Variants in XKR9 observed in about 807,000 individuals in gnomAD.
XKR9 encodes XK-related protein 9.
XKR9 carries 32 observed loss-of-function variants against 32.0 expected under a neutral mutation model. The observed-to-expected ratio is 1.00, with a 90% CI of 0.76 to 1.34. The LOEUF (loss-of-function observed/expected upper bound fraction) is 1.34. XKR9 is among the 40% of genes most tolerant of loss of function. The probability of loss-of-function intolerance (pLI) is 0.00; values close to 1 mark genes in which losing one functional copy is unlikely to be tolerated. For synonymous variants in XKR9, 168 were observed against 143.4 expected, an observed-to-expected ratio of 1.17 and a Z score of -1.22; for missense variants, 546 against 429.7, an observed-to-expected ratio of 1.27 and a Z score of -2.39.
At chr8:70,929,104 T>C in the XKR9 span, among the ~76,000 whole-genome samples, 2 of 152,136 alleles carry the variant, frequency 1.3e-5, no homozygotes, top group South Asian at 4.1e-4. Context: ...AATAAGCTGC[T>C]CAACCAGAGG....
chr8:70,866,456 T>A, the XKR9 span, among the ~76,000 whole-genome samples: 1 of 152,164 alleles, frequency 6.6e-6, no homozygotes, highest in African/African-American at 2.4e-5. Flanking sequence ...GATTATAATA[T>A]GTAGGGTGGG....
At chr8:70,684,742 A>G (rs1173608580) in intron 3 of XKR9, among the ~76,000 whole-genome samples, 1 of 146,940 alleles carries the variant, frequency 6.8e-6, no homozygotes, top group Non-Finnish European at 1.5e-5. Flanking sequence ...ACACATGAAA[A>G]AATGCTCACC....
the XKR9 span, among the ~76,000 whole-genome samples, chr8:70,797,211 GCA>G: frequency 0.025 from 3,825 of 152,176 alleles, 77 homozygotes; most frequent in Middle Eastern, 0.037. Flanking sequence ...AGGGGTGTGC[GCA>G]CACACACACA....
At chr8:70,817,062 A>G in the XKR9 span, among the ~76,000 whole-genome samples, 4 of 152,228 alleles carry the variant, frequency 2.6e-5, no homozygotes, top group African/African-American at 9.6e-5. Flanking sequence ...AGAAAACCCT[A>G]AAGACTCCAC....
chr8:70,748,743 T>C (rs1174309443), intron 2 of XKR9, among the ~76,000 whole-genome samples: 1 of 152,184 alleles, frequency 6.6e-6, no homozygotes, highest in East Asian at 1.9e-4. Context: ...GGCTGTCAGT[T>C]CTGGGTAGAA....
chr8:70,849,054 A>G, the XKR9 span, among the ~76,000 whole-genome samples: 2 of 152,158 alleles, frequency 1.3e-5, no homozygotes, highest in Non-Finnish European at 2.9e-5. Context: ...GAAAATTAAC[A>G]AGGATATTCA....
the XKR9 span, among the ~76,000 whole-genome samples, chr8:71,015,000 A>G: frequency 3.3e-5 from 5 of 152,194 alleles, no homozygotes; most frequent in Non-Finnish European, 7.3e-5. Context: ...CTGGGATAAA[A>G]TGCCACATGA....
At chr8:70,799,816 G>A in the XKR9 span, among the ~76,000 whole-genome samples, 1 of 152,144 alleles carries the variant, frequency 6.6e-6, no homozygotes, top group Non-Finnish European at 1.5e-5. Flanking sequence ...AATAGGGGTA[G>A]TTTGACTTCC....
At chr8:70,842,384 C>G in the XKR9 span, among the ~76,000 whole-genome samples, 1 of 152,174 alleles carries the variant, frequency 6.6e-6, no homozygotes, top group African/African-American at 2.4e-5. Context: ...TCAGCCATTT[C>G]TCTAAGAAGT....
chr8:70,792,070 G>A (rs917563765), downstream of XKR9, among the ~76,000 whole-genome samples: 18 of 152,108 alleles, frequency 1.2e-4, no homozygotes, highest in Non-Finnish European at 1.9e-4. Flanking sequence ...TCAGTTATTC[G>A]ATCTTCAGTG....
chr8:70,686,743 A>C (rs1021971353), intron 3 of XKR9, among the ~76,000 whole-genome samples: 8 of 152,050 alleles, frequency 5.3e-5, no homozygotes, highest in African/African-American at 1.4e-4. Flanking sequence ...TCTGAGGAGA[A>C]AGTGAATGTA....
the XKR9 span, among the ~76,000 whole-genome samples, chr8:70,900,112 A>T: frequency 1.2e-4 from 18 of 150,524 alleles, no homozygotes; most frequent in Non-Finnish European, 2.1e-4. Flanking sequence ...AAAAAAAAAA[A>T]TTAGTCTTTT....
the XKR9 span, among the ~76,000 whole-genome samples, chr8:71,002,386 G>C: frequency 9.5e-6 from 1 of 104,784 alleles, no homozygotes; most frequent in Admixed American, 9.2e-5. Flanking sequence ...TTTTTTTTCC[G>C]AAATAATTCC....
chr8:71,010,903 C>T, the XKR9 span, among the ~76,000 whole-genome samples: 6 of 152,084 alleles, frequency 3.9e-5, no homozygotes, highest in African/African-American at 1.4e-4. Context: ...AATTGTCATC[C>T]TAGGGCGATT....
chr8:71,006,988 C>T, the XKR9 span, among the ~76,000 whole-genome samples: 1 of 152,094 alleles, frequency 6.6e-6, no homozygotes, highest in African/African-American at 2.4e-5. Flanking sequence ...TGGCTCTATT[C>T]GTTGGAAGTT....
intron 4 of XKR9, among the ~76,000 whole-genome samples, chr8:70,716,501 CAGGA>C (rs1806094260): frequency 6.6e-6 from 1 of 152,056 alleles, no homozygotes; most frequent in Admixed American, 6.6e-5. Context: ...CACATGGTGA[CAGGA>C]AGAATGAGAG....
At chr8:70,937,151 T>TGA in the XKR9 span, among the ~76,000 whole-genome samples, 119 of 152,126 alleles carry the variant, frequency 7.8e-4, no homozygotes, top group African/African-American at 2.8e-3. Context: ...TGTGTGTGTG[T>TGA]GACTGTGACT....
chr8:71,024,900 T>C, the XKR9 span, among the ~76,000 whole-genome samples: 1 of 152,236 alleles, frequency 6.6e-6, no homozygotes, highest in Non-Finnish European at 1.5e-5. Flanking sequence ...ACTCATTATT[T>C]TGGTTTCTGT....
chr8:70,877,422 AT>A, the XKR9 span, among the ~76,000 whole-genome samples: 11 of 152,236 alleles, frequency 7.2e-5, no homozygotes, highest in African/African-American at 2.4e-4. Flanking sequence ...TTCCATCCTC[AT>A]TTTACAGATT....
Sources: gnomAD v4.1 joint callset for allele counts (sites outside exome capture counted in the v4.1 genomes callset) on GRCh38, gnomAD v4.1.1 for gene constraint, MANE v1.5 for transcripts, NCBI Gene and HGNC (gene_info 2026-07-23, HGNC 2026-07-21) for gene names.